The following ACVR1 variants were observed in gnomAD, a reference collection of about 807,000 sequenced individuals.
The protein encoded by ACVR1 is activin A receptor type 1.
A neutral mutation model predicts 57.1 loss-of-function variants in ACVR1; 38 were observed. That is an observed-to-expected ratio of 0.67 (90% CI 0.51 to 0.87). The LOEUF is 0.87. Ranked by LOEUF, ACVR1 falls within the 40% of genes least tolerant of loss-of-function variation. The probability of loss-of-function intolerance (pLI) is 0.00; values close to 1 mark genes in which losing one functional copy is unlikely to be tolerated. For missense variants in ACVR1, 463 were observed against 638.2 expected (o/e 0.73, Z 2.96); for synonymous variants, 212 against 228.1 (o/e 0.93, Z 0.63).
In ACVR1 at chr2:157,781,536, G is replaced by T. The variant is rs547469870; in HGVS notation, c.68-936C>A. ...AATTTTTGGCTGGCAGGAAAAAAAT[G>T]GTGCCAAATATGGAGAATGAGGGCA... On this transcript the variant is annotated intron_variant, in intron 3 of 10. Coordinates refer to ENST00000434821, the MANE Select transcript of ACVR1 (RefSeq NM_001111067.4). 2.0e-5 allele frequency among the ~76,000 whole-genome samples: 3 copies of T among 152,270 alleles called. No homozygotes were observed. In the South Asian group the frequency reaches 6.2e-4, roughly 32 times the overall value.
chr2:157,832,327 C>G (rs1688610740), intron 1 of ACVR1, among the ~76,000 whole-genome samples: 1 of 152,108 alleles, frequency 6.6e-6, no homozygotes, highest in Non-Finnish European at 1.5e-5. Flanking sequence ...AATGAAACAG[C>G]CTCTACCAAA....
intron 3 of ACVR1, among the ~76,000 whole-genome samples, chr2:157,784,681 C>T (rs894485309): frequency 2.0e-5 from 3 of 152,220 alleles, no homozygotes; most frequent in South Asian, 4.1e-4. Context: ...GGGACTGCTT[C>T]GGAACCGCCA....
chr2:157,838,945 G>A (rs1003893554), intron 1 of ACVR1, among the ~76,000 whole-genome samples: 1 of 152,078 alleles, frequency 6.6e-6, no homozygotes, highest in Non-Finnish European at 1.5e-5. Context: ...ACTCCTTTTT[G>A]AGTTTTCTGC....
At position 157,737,603 on chromosome 2, in the gene ACVR1, GA is replaced by G. The variant is rs1283766647; in HGVS notation, c.1457del (p.Leu486ProfsTer10). 1 of 1,614,110 alleles carries G rather than the reference GA, an allele frequency of 6.2e-7. No individual in the cohort carries two copies. The highest frequency in any genetic ancestry group is 1.1e-5 in the South Asian group (1 of 91,082). On this transcript the variant is annotated frameshift_variant, in exon 11 of 11. Transcript: ENST00000434821. LOFTEE classifies it high-confidence loss of function. ...AAGTCTTTTTGATACGCAGTGCTGTGAGTCTTGCGGATGGATTTTGATACCA... is the reference window on the plus strand; with the variant it reads ...AAGTCTTTTTGATACGCAGTGCTGTGGTCTTGCGGATGGATTTTGATACCA... ...ECWYQNPSAR[L>X]TALRIKKTLT...
At chr2:157,788,209 A>G (rs1477485283) in intron 3 of ACVR1, among the ~76,000 whole-genome samples, 1 of 152,192 alleles carries the variant, frequency 6.6e-6, no homozygotes, top group Non-Finnish European at 1.5e-5. Flanking sequence ...TCCAGACTAC[A>G]GTAGTCCCCA....
intron 1 of ACVR1, among the ~76,000 whole-genome samples, chr2:157,850,774 C>T (rs1017208506): frequency 1.3e-5 from 2 of 152,004 alleles, no homozygotes; most frequent in African/African-American, 2.4e-5. Flanking sequence ...CTGGCCAACA[C>T]GGTGAAACCC....
intron 1 of ACVR1, among the ~76,000 whole-genome samples, chr2:157,870,664 G>T (rs1690089039): frequency 6.6e-6 from 1 of 152,114 alleles, no homozygotes; most frequent in South Asian, 2.1e-4. Flanking sequence ...AATAATGAAG[G>T]ATTCCCTGCT....
intron 9 of ACVR1, 59 bp from the exon 10 acceptor site, chr2:157,738,629 T>A: frequency 4.3e-6 from 7 of 1,612,482 alleles, no homozygotes; most frequent in Non-Finnish European, 5.9e-6. Context: ...TGCCCCAAGG[T>A]TTCATTGATG....
chr2:157,767,193 G>A (rs1272744115), intron 7 of ACVR1, among the ~76,000 whole-genome samples: 1 of 151,926 alleles, frequency 6.6e-6, no homozygotes, highest in Non-Finnish European at 1.5e-5. Flanking sequence ...CATCACGCCG[G>A]GCTAATTTTT....
intron 1 of ACVR1, among the ~76,000 whole-genome samples, chr2:157,857,107 AG>A (rs1364469759): frequency 2.0e-5 from 3 of 152,122 alleles, no homozygotes; most frequent in Non-Finnish European, 4.4e-5. Context: ...CTGAAGTGGG[AG>A]GATCACCTGA....
chr2:157,770,928 A>G (rs1686050279), intron 6 of ACVR1, among the ~76,000 whole-genome samples: 1 of 152,254 alleles, frequency 6.6e-6, no homozygotes, highest in Non-Finnish European at 1.5e-5. Flanking sequence ...AGTGTACATC[A>G]GTAAACTGAA....
intron 1 of ACVR1, among the ~76,000 whole-genome samples, chr2:157,865,149 A>G (rs1689871014): frequency 6.6e-6 from 1 of 152,208 alleles, no homozygotes; most frequent in South Asian, 2.1e-4. Flanking sequence ...GAAGGACCAA[A>G]AAAGAGTGAG....
At chr2:157,868,587 T>TTGCCTA (rs1391350294) in intron 1 of ACVR1, among the ~76,000 whole-genome samples, 2 of 152,162 alleles carry the variant, frequency 1.3e-5, no homozygotes, top group Non-Finnish European at 2.9e-5. Flanking sequence ...TTTTGGAATG[T>TTGCCTA]TGCCTATGCT....
At chr2:157,845,582 C>G (rs1306487789) in intron 1 of ACVR1, among the ~76,000 whole-genome samples, 8 of 151,054 alleles carry the variant, frequency 5.3e-5, no homozygotes, top group African/African-American at 1.5e-4. Context: ...AGTTACATTG[C>G]TGTTGTTTGT....
At chr2:157,744,357 T>G (rs1372225547) in intron 9 of ACVR1, among the ~76,000 whole-genome samples, 1 of 152,196 alleles carries the variant, frequency 6.6e-6, no homozygotes, top group Admixed American at 6.5e-5. Flanking sequence ...GCACTATAAG[T>G]GAATACAGTG....
chr2:157,763,008 GTTGTT>G (rs1030045438), intron 8 of ACVR1, among the ~76,000 whole-genome samples: 2 of 152,152 alleles, frequency 1.3e-5, no homozygotes, highest in African/African-American at 4.8e-5. Flanking sequence ...ACAAATCTGT[GTTGTT>G]TTAAGATGCT....
chr2:157,766,301 G>A, intron 7 of ACVR1, 105 bp from the exon 8 acceptor site: 3 of 1,185,426 alleles, frequency 2.5e-6, no homozygotes, highest in Admixed American at 3.8e-5. Flanking sequence ...GTAACAAAAA[G>A]TAATTAAACT....
chr2:157,751,284 C>T (rs1310726306), intron 9 of ACVR1, among the ~76,000 whole-genome samples: 2 of 152,228 alleles, frequency 1.3e-5, no homozygotes, highest in Non-Finnish European at 2.9e-5. Context: ...GCACAGGAAG[C>T]AGCAGGAAAT....
intron 9 of ACVR1, among the ~76,000 whole-genome samples, chr2:157,759,133 G>C (rs1685547794): frequency 6.6e-6 from 1 of 151,426 alleles, no homozygotes; most frequent in Admixed American, 6.6e-5. Flanking sequence ...GAATAAGAAA[G>C]GTCATAGCAA....
Sources: gnomAD v4.1 joint callset for allele counts (sites outside exome capture counted in the v4.1 genomes callset) on GRCh38, gnomAD v4.1.1 for gene constraint, MANE v1.5 for transcripts, NCBI Gene and HGNC (gene_info 2026-07-23, HGNC 2026-07-21) for gene names.